Variants in CD99L2 observed in about 807,000 individuals in gnomAD.
The protein encoded by CD99L2 is CD99 molecule like 2.
Under a neutral mutation model 27.3 loss-of-function variants are expected in CD99L2, and 24 were observed. The observed-to-expected ratio is 0.88, with a 90% CI of 0.64 to 1.24. The LOEUF (loss-of-function observed/expected upper bound fraction) is 1.24. Among genes scored for constraint, CD99L2 ranks in the 50% most tolerant of loss-of-function variants. The probability of loss-of-function intolerance (pLI) is 0.00; values close to 1 mark genes in which losing one functional copy is unlikely to be tolerated. For missense variants in CD99L2, 255 were observed against 221.6 expected (o/e 1.15, Z -0.96); for synonymous variants, 97 against 87.9 (o/e 1.10, Z -0.58).
At chrX:150,861,445 G>A (rs2046975929) in intron 1 of CD99L2, among the ~76,000 whole-genome samples, 1 of 111,807 alleles carries the variant, frequency 8.9e-6, no homozygotes, top group South Asian at 3.7e-4. Context: ...TAGATACACA[G>A]AAATAAATCC....
At chrX:150,882,105 C>T (rs1353037952) in intron 1 of CD99L2, among the ~76,000 whole-genome samples, 1 of 111,103 alleles carries the variant, frequency 9.0e-6, no homozygotes, top group Non-Finnish European at 1.9e-5. Context: ...CGTGAGCCAC[C>T]GCGCCCGGAC....
chrX:150,870,768 C>CA (rs1569566129), intron 1 of CD99L2, among the ~76,000 whole-genome samples: 1 of 110,953 alleles, frequency 9.0e-6, no homozygotes, highest in Non-Finnish European at 1.9e-5. Context: ...TGCACCCCCC[C>CA]ATCCTAGCAG....
chrX:150,776,400 C>T (rs2043554031), intron 8 of CD99L2, 107 bp from the exon 9 acceptor site: 1 of 909,609 alleles, frequency 1.1e-6, no homozygotes, highest in South Asian at 2.6e-5. Context: ...TACTAGACGC[C>T]CCCAACCCCC....
intron 2 of CD99L2, among the ~76,000 whole-genome samples, chrX:150,830,618 T>A (rs2046429005): frequency 9.0e-6 from 1 of 110,707 alleles, no homozygotes; most frequent in Non-Finnish European, 1.9e-5. Context: ...TTTATTCACT[T>A]CAAAGTGCCT....
Position 150,769,158 on chromosome X carries a change from A to T in CD99L2, c.722-57T>A. The T allele has an allele frequency of 2.7e-6, 3 of 1,112,714 alleles. No individual in the cohort carries two copies. In the South Asian group the frequency reaches 6.4e-5, roughly 24 times the overall value. 91.7% of individuals were successfully genotyped at this position (1,112,714 alleles called of 1,213,427 possible). On this transcript the variant is annotated intron_variant, in intron 10 of 10. Coordinates refer to ENST00000370377, the MANE Select transcript of CD99L2 (RefSeq NM_031462.4). ...CTGCTCTGTCTTGCACAGAAGAAGC[A>T]AATACAGCAGCAAGCCCGTGCTGGG...
intron 1 of CD99L2, among the ~76,000 whole-genome samples, chrX:150,854,501 T>C (rs1032593073): frequency 4.5e-5 from 5 of 111,521 alleles, no homozygotes; most frequent in Non-Finnish European, 7.5e-5. Context: ...AATTCATACA[T>C]TGAAATCCTA....
intron 1 of CD99L2, among the ~76,000 whole-genome samples, chrX:150,839,949 G>A (rs374980704): frequency 1.8e-5 from 2 of 108,893 alleles, no homozygotes; most frequent in South Asian, 4.0e-4. Context: ...AAGGTGGGAG[G>A]ATCACTTGAG....
chrX:150,810,764 A>C (rs1337720298), intron 4 of CD99L2, among the ~76,000 whole-genome samples: 2 of 112,548 alleles, frequency 1.8e-5, no homozygotes, highest in Non-Finnish European at 3.8e-5. Context: ...GAAATGAAAG[A>C]GAGGATATCA....
At chrX:150,790,773 TA>T (rs1280994546) in intron 7 of CD99L2, among the ~76,000 whole-genome samples, 2 of 111,889 alleles carry the variant, frequency 1.8e-5, no homozygotes, top group Non-Finnish European at 3.8e-5. Context: ...CAGTTGGAGA[TA>T]TAAGTATGAA....
rs1422640923 is a variant in CD99L2 at position 150,787,856 on chromosome X, G to A, written c.496+5835C>T. 1.4e-4 allele frequency among the ~76,000 whole-genome samples: 13 copies of A among 94,169 alleles called. No homozygotes were observed. The South Asian group carries it at 2.3e-3, about 17-fold the overall frequency. The allele number at this position is 94,169 out of a possible 115,157, so 81.8% of individuals were successfully genotyped here. A position where few individuals can be genotyped will look rare whatever the true frequency, so the allele number is the denominator to read the frequency against. ...ACATGTATACATATGAAACAAACCC[G>A]CACGTTGTGTACATGTACCCTAGAA... On this transcript the variant is annotated intron_variant, in intron 7 of 10. Transcript: ENST00000370377.
intron 1 of CD99L2, among the ~76,000 whole-genome samples, chrX:150,854,221 G>A (rs938262445): frequency 2.2e-4 from 25 of 111,222 alleles, no homozygotes; most frequent in Non-Finnish European, 4.3e-4. Flanking sequence ...TAAAACAAGC[G>A]GCCCACCAAG....
At chrX:150,804,474 C>T (rs1260194614) in intron 4 of CD99L2, among the ~76,000 whole-genome samples, 2 of 111,843 alleles carry the variant, frequency 1.8e-5, no homozygotes, top group Non-Finnish European at 3.8e-5. Context: ...TCTCCAGGCA[C>T]GGTGGCTCAT....
Position 150,776,253 on chromosome X carries a change from G to C in CD99L2, c.576C>G (p.Ser192Arg). The change falls in exon 9 of 11, where the codon AGC becomes AGG. Residue 192 changes from serine to arginine, a missense_variant. Ser to Arg is a moderately radical substitution (Grantham distance 110, BLOSUM62 -1). Coordinates refer to ENST00000370377, the MANE Select transcript of CD99L2 (RefSeq NM_031462.4). Reference protein sequence around the residue: ...AEPGTIAGVASALAMALIGAV... With the variant: ...AEPGTIAGVARALAMALIGAV... Reference sequence around the variant, plus strand: ...CACCGATGAGGGCCATGGCCAGGGCGCTGGCCACCCCGGCAATGGTGCCAG... The same window carrying C: ...CACCGATGAGGGCCATGGCCAGGGCCCTGGCCACCCCGGCAATGGTGCCAG... 1 of 1,209,904 alleles carries C rather than the reference G, an allele frequency of 8.3e-7. No homozygotes were observed. The highest frequency in any genetic ancestry group is 1.1e-6 in the Non-Finnish European group (1 of 894,107).
chrX:150,774,859 A>C (rs782503613), intron 9 of CD99L2, among the ~76,000 whole-genome samples: 2 of 112,134 alleles, frequency 1.8e-5, no homozygotes, highest in East Asian at 5.6e-4. Flanking sequence ...GGTAACTCTA[A>C]AAACAATCCA....
intron 1 of CD99L2, among the ~76,000 whole-genome samples, chrX:150,853,196 C>T (rs1215585156): frequency 8.9e-6 from 1 of 111,825 alleles, no homozygotes; most frequent in East Asian, 2.8e-4. Context: ...TAGACATACT[C>T]CAGCAAGTGA....
In CD99L2 at chrX:150,768,791, C is replaced by T. The variant is rs890399795; in HGVS notation, c.*243G>A. 6 of 725,340 alleles carry T rather than the reference C, an allele frequency of 8.3e-6. No homozygotes were observed. The highest frequency in any genetic ancestry group is 1.1e-5 in the Non-Finnish European group (6 of 555,559). 59.8% of individuals were successfully genotyped at this position (725,340 alleles called of 1,213,427 possible). A position where few individuals can be genotyped will look rare whatever the true frequency, so the allele number is the denominator to read the frequency against. On this transcript the variant is annotated 3_prime_UTR_variant, in exon 11 of 11. Coordinates refer to ENST00000370377, the MANE Select transcript of CD99L2 (RefSeq NM_031462.4). ...TTGGGAGTTGGTGGCTCAGCAGCTC[C>T]CGAGGCTGGTGCTGGCTTTCTATCA...
intron 9 of CD99L2, chrX:150,771,884 CG>C: frequency 1.8e-6 from 2 of 1,116,854 alleles, no homozygotes; most frequent in Non-Finnish European, 2.4e-6. Flanking sequence ...AGCAAACATG[CG>C]GGCTTTCCAC....
chrX:150,867,764 G>A (rs1367105208), intron 1 of CD99L2, among the ~76,000 whole-genome samples: 6 of 108,638 alleles, frequency 5.5e-5, no homozygotes, highest in African/African-American at 2.0e-4. Flanking sequence ...GTGGTGGCAT[G>A]TGCCTATAAT....
At chrX:150,874,433 A>AGAGGAAGGCAGGT (rs1290081382) in intron 1 of CD99L2, among the ~76,000 whole-genome samples, 1 of 110,901 alleles carries the variant, frequency 9.0e-6, no homozygotes, top group African/African-American at 3.3e-5. Flanking sequence ...CCACAGGAAA[A>AGAGGAAGGCAGGT]GAGGAAGGCA....
Sources: allele counts gnomAD v4.1 joint callset (sites outside exome capture counted in the v4.1 genomes callset), GRCh38; gene constraint gnomAD v4.1.1; transcripts MANE v1.5; gene names NCBI Gene and HGNC (gene_info 2026-07-23, HGNC 2026-07-21).